ELL3: variants seen among roughly 807,000 people sequenced by gnomAD.
The protein encoded by ELL3 is elongation factor for RNA polymerase II 3.
In ELL3, 48 loss-of-function variants were observed where a neutral mutation model predicts 58.5. The observed-to-expected ratio is 0.82, with a 90% CI of 0.65 to 1.04. ELL3 has a LOEUF of 1.04. ELL3 is among the 50% of genes least tolerant of loss of function. ELL3 has a pLI of 0.00. For missense variants in ELL3, 458 were observed against 478.4 expected (o/e 0.96, Z 0.40); for synonymous variants, 174 against 173.2 (o/e 1.00, Z -0.04).
At chr15:43,773,557 C>T (rs779920460) in intron 9 of ELL3, among the ~76,000 whole-genome samples, 2 of 151,746 alleles carry the variant, frequency 1.3e-5, no homozygotes, top group African/African-American at 2.4e-5. Flanking sequence ...TGGTGGCAGG[C>T]GCTTGTAGTC....
rs1302252663 is a variant in ELL3 at position 43,772,808 on chromosome 15, TTTA to T, written c.*305_*307del. 3 of 232,644 alleles carry T rather than the reference TTTA, an allele frequency of 1.3e-5. No homozygotes were observed. Among genetic ancestry groups the T allele is most frequent in the Non-Finnish European group, 2.5e-5 (3 of 121,284 alleles). 14.4% of individuals were successfully genotyped at this position (232,644 alleles called of 1,614,324 possible). ...TTGGTTTGTCTAATGTCCTCATTAT[TTTA>T]TCCTGAAGATGATGTCATTTCTCAG... is the stretch of plus-strand genomic sequence containing the variant. On this transcript the variant is annotated 3_prime_UTR_variant, in exon 11 of 11. Transcript: ENST00000319359.
chr15:43,775,346 TGAACA>T lies in ELL3; in HGVS notation c.600_604del (p.Val201GlyfsTer58). 6.2e-7 allele frequency: 1 copy of T among 1,613,702 alleles called. No individual in the cohort carries two copies. Among genetic ancestry groups the T allele is most frequent in the Non-Finnish European group, 8.5e-7 (1 of 1,179,602 alleles). On this transcript the variant is annotated frameshift_variant, in exon 6 of 11. Transcript: ENST00000319359. LOFTEE classifies it high-confidence loss of function. ...CCGGCTGGCAGAGGAAGGCAGTGCCTGAACAGGTTCTCTGTTTGGAACATGGGTCT... is the reference window on the plus strand; with the variant it reads ...CCGGCTGGCAGAGGAAGGCAGTGCCTGGTTCTCTGTTTGGAACATGGGTCT...
intron 6 of ELL3, among the ~76,000 whole-genome samples, 178 bp from the exon 7 acceptor site, chr15:43,774,951 A>T (rs1448475443): frequency 6.6e-6 from 1 of 152,014 alleles, no homozygotes; most frequent in Non-Finnish European, 1.5e-5. Flanking sequence ...TGGGTAACAT[A>T]GTGAGACCCT....
rs747491125 is a variant in ELL3 at position 43,774,489 on chromosome 15, G to C, written c.853C>G (p.Pro285Ala). 6.2e-7 allele frequency: 1 copy of C among 1,614,212 alleles called. No homozygotes were observed. The highest frequency in any genetic ancestry group is 1.1e-5 in the South Asian group (1 of 91,080). ...CAAGGAACTCACAGGAGGTAGTCTG[G>C]TATATCTTCAGGACTTGGGGATTCA... ...DSESPSPEDI[P>A]DYLLQYRAIH... The change falls in exon 8 of 11, where the codon CCA (proline) becomes GCA (alanine). Residue 285 changes from proline (P) to alanine (A), a missense_variant. Pro to Ala is a conservative substitution (Grantham distance 27). Transcript: ENST00000319359.
rs576056332 is a variant in ELL3 at position 43,773,010 on chromosome 15, C to T, written c.*106G>A. The T allele has an allele frequency of 3.7e-6, 4 of 1,077,632 alleles. No homozygotes were observed. In the South Asian group the frequency reaches 6.3e-5, roughly 17 times the overall value. 66.8% of individuals were successfully genotyped at this position (1,077,632 alleles called of 1,614,324 possible). On this transcript the variant is annotated 3_prime_UTR_variant, in exon 11 of 11. Transcript: ENST00000319359. ...GCTCTCTACTTGCCACCATGGACTC[C>T]AGTGGTCAGCATAAGAAAAGCAGAT...
chr15:43,776,766 G>T lies in ELL3; in HGVS notation c.132+4C>A, dbSNP rs370465476. On this transcript the variant is annotated splice_donor_region_variant and intron_variant, in intron 1 of 10. Transcript: ENST00000319359. ...TGACTAGAGAAGAAGGGGGCCGGCC[G>T]TACCTGTTGCCGCTGACACTCTTGC... is the stretch of plus-strand genomic sequence containing the variant. 7 of 1,600,926 alleles carry T rather than the reference G, an allele frequency of 4.4e-6. No individual in the cohort carries two copies. The highest frequency in any genetic ancestry group is 6.0e-6 in the Non-Finnish European group (7 of 1,171,478).
In ELL3 at chr15:43,774,263, G is replaced by A; in HGVS notation, c.957C>T (p.Ala319=). The A allele has an allele frequency of 1.2e-6, 2 of 1,614,104 alleles. No individual in the cohort carries two copies. Among genetic ancestry groups the A allele is most frequent in the Non-Finnish European group, 1.7e-6 (2 of 1,180,030 alleles). ...ACCTTTGGCTTGCAGTCCCAACACG[G>A]GCATGCAGGATGCGGTATTCAGCAT... ...TDYAEYRILH[A]RVGTASQRFI... is the part of the protein sequence containing the mutation. The change falls in exon 9 of 11, where the codon GCC becomes GCT. Residue 319 remains alanine, a synonymous_variant. Transcript: ENST00000319359.
At chr15:43,773,727 C>T (rs1467518068) in intron 9 of ELL3, among the ~76,000 whole-genome samples, 1 of 151,574 alleles carries the variant, frequency 6.6e-6, no homozygotes, top group African/African-American at 2.4e-5. Flanking sequence ...AGGGGCCAGG[C>T]GCAGTGGCTC....
rs2086919880 is a variant in ELL3, at chr15:43,776,614, G to C, written c.133-70C>G. On this transcript the variant is annotated intron_variant, in intron 1 of 10. Transcript: ENST00000319359. ...GTGTCCCCAGGATCCGGCGTCCGGA[G>C]CCCGGGATCACCTGCCTAGCGGGCT... The C allele has an allele frequency of 3.9e-6, 6 of 1,551,034 alleles. No homozygotes were observed. The Admixed American group carries it at 7.8e-5, about 20-fold the overall frequency.
chr15:43,776,209 C>A (rs749404488), intron 2 of ELL3, 58 bp from the exon 3 acceptor site: 6 of 1,479,580 alleles, frequency 4.1e-6, no homozygotes, highest in Non-Finnish European at 5.6e-6. Flanking sequence ...CTCCTGCCGC[C>A]GCCACTCGTC....
chr15:43,774,733 T>A lies in ELL3; in HGVS notation c.686A>T (p.Lys229Met). The A allele has an allele frequency of 6.2e-7, 1 of 1,613,502 alleles. No individual in the cohort carries two copies. The highest frequency in any genetic ancestry group is 2.2e-5 in the East Asian group (1 of 44,880). The change falls in exon 7 of 11, where the codon AAG becomes ATG. Residue 229 changes from lysine to methionine, a missense_variant. Lys to Met is a moderately conservative substitution (Grantham distance 95, BLOSUM62 -1). Transcript: ENST00000319359. ...VPVATVELEE[K>M]RFRTLPLVPS... ...CACTAAAGGCAGAGTTCTGAACCTCTTTTCTTCCAGTTCTACAGTGGCTAC... is the reference window on the plus strand; with the variant it reads ...CACTAAAGGCAGAGTTCTGAACCTCATTTCTTCCAGTTCTACAGTGGCTAC...
At chr15:43,773,884 C>A (rs1466573823) in intron 9 of ELL3, among the ~76,000 whole-genome samples, 1 of 152,010 alleles carries the variant, frequency 6.6e-6, no homozygotes, top group East Asian at 1.9e-4. Context: ...TACCTATAAT[C>A]CCAGCTATTC....
chr15:43,774,036 C>T (rs2086897125), intron 9 of ELL3, 146 bp downstream of exon 9: 2 of 1,010,858 alleles, frequency 2.0e-6, no homozygotes, highest in East Asian at 5.1e-5. Context: ...CCTTCTCATT[C>T]TACCAAATGA....
In ELL3 at chr15:43,775,506, C is replaced by G; in HGVS notation, c.569+19G>C. 1.2e-6 allele frequency: 2 copies of G among 1,613,934 alleles called. No homozygotes were observed. The highest frequency in any genetic ancestry group is 1.7e-6 in the Non-Finnish European group (2 of 1,179,866). ...CAATGCCAAAGCTTCCCATGTTAGTCCCACCCCATCCAAAGTACCTCACTT... is the reference window on the plus strand; with the variant it reads ...CAATGCCAAAGCTTCCCATGTTAGTGCCACCCCATCCAAAGTACCTCACTT... On this transcript the variant is annotated intron_variant, in intron 5 of 10. Transcript: ENST00000319359.
In ELL3 at chr15:43,775,768, T is replaced by C; in HGVS notation, c.437A>G (p.Tyr146Cys). ...HPESWQNTGG[Y>C]SEGDAVSQPQ... is the part of the protein sequence containing the mutation. ...CTGTGATACTGCATCTCCTTCAGAA[T>C]AGCCTCCTGTGTTCTGCCAACTCTC... Residue 146 changes from tyrosine (Y) to cysteine (C), a missense_variant, in exon 4 of 11, where the codon TAT becomes TGT. Transcript: ENST00000319359. 8 of 1,614,232 alleles carry C rather than the reference T, an allele frequency of 5.0e-6. No individual in the cohort carries two copies. The highest frequency in any genetic ancestry group is 1.3e-5 in the African/African-American group (1 of 75,072).
chr15:43,776,032 C>T lies in ELL3; in HGVS notation c.281+7G>A. On this transcript the variant is annotated splice_region_variant and intron_variant, in intron 3 of 10. Transcript: ENST00000319359. ...CCCTTTCTTGCCGGCTACCTGTTCC[C>T]CCTCACCTGAGGAAGCGTTGGCACA... 6.2e-7 allele frequency: 1 copy of T among 1,613,978 alleles called. No individual in the cohort carries two copies.
In ELL3 at chr15:43,775,624, T is replaced by C; in HGVS notation, c.484-14A>G. 6.2e-7 allele frequency: 1 copy of C among 1,614,160 alleles called. No individual in the cohort carries two copies. The highest frequency in any genetic ancestry group is 1.1e-5 in the South Asian group (1 of 91,078). On this transcript the variant is annotated splice_polypyrimidine_tract_variant and intron_variant, in intron 4 of 10. Transcript: ENST00000319359. Reference sequence around the variant, plus strand: ...TGACACTGACACCTGGTGGGGAAAGTGGCAGGAGCACTTGGTTCCCTGGAG... The same window carrying C: ...TGACACTGACACCTGGTGGGGAAAGCGGCAGGAGCACTTGGTTCCCTGGAG...
chr15:43,776,118 G>T lies in ELL3; in HGVS notation c.202C>A (p.Leu68Ile). Residue 68 changes from leucine (L) to isoleucine (I), a missense_variant, in exon 3 of 11, where the codon CTC becomes ATC. Coordinates refer to ENST00000319359, the MANE Select transcript of ELL3 (RefSeq NM_025165.3). ...LRLPGPGWSC[L>I]FSFIVSQCCQ... ...CACTGGGACACTATGAAGGAGAAGA[G>T]GCAGGACCAACCAGGGCCTGGGAGT... 6.2e-7 allele frequency: 1 copy of T among 1,614,150 alleles called. No individual in the cohort carries two copies. Among genetic ancestry groups the T allele is most frequent in the Non-Finnish European group, 8.5e-7 (1 of 1,180,018 alleles).
rs1197653201 is a variant in ELL3 at position 43,776,308 on chromosome 15, C to G, written c.169-157G>C. 5.5e-6 allele frequency: 6 copies of G among 1,098,138 alleles called. No homozygotes were observed. In the East Asian group the frequency reaches 1.0e-4, roughly 19 times the overall value. The allele number at this position is 1,098,138 out of a possible 1,614,324, so 68.0% of individuals were successfully genotyped here. On this transcript the variant is annotated intron_variant, in intron 2 of 10. Coordinates refer to ENST00000319359, the MANE Select transcript of ELL3 (RefSeq NM_025165.3). Reference sequence around the variant, plus strand: ...AGCTGGGCCTGAGTTCCCCAGGAGGCCGAAACAGCACAGTCCCCTCAAACC... The same window carrying G: ...AGCTGGGCCTGAGTTCCCCAGGAGGGCGAAACAGCACAGTCCCCTCAAACC...
Sources: gnomAD v4.1 joint callset for allele counts (sites outside exome capture counted in the v4.1 genomes callset) on GRCh38, gnomAD v4.1.1 for gene constraint, MANE v1.5 for transcripts, NCBI Gene and HGNC (gene_info 2026-07-23, HGNC 2026-07-21) for gene names.